The following CDC14B variants were observed in gnomAD, a reference collection of about 807,000 sequenced individuals.
CDC14B encodes the protein dual specificity protein phosphatase CDC14B.
Under a neutral mutation model 64.2 loss-of-function variants are expected in CDC14B, and 22 were observed. That is an observed-to-expected ratio of 0.34 (90% confidence interval 0.24 to 0.49). The LOEUF (loss-of-function observed/expected upper bound fraction) is 0.49. Ranked by LOEUF, CDC14B falls within the 20% of genes least tolerant of loss-of-function variation. The probability of loss-of-function intolerance (pLI) is 0.99; values close to 1 mark genes in which losing one functional copy is unlikely to be tolerated. For missense variants in CDC14B, 498 were observed against 629.9 expected, an observed-to-expected ratio of 0.79 and a Z score of 2.24; for synonymous variants, 191 against 215.8, an observed-to-expected ratio of 0.89 and a Z score of 1.01.
chr9:96,551,624 C>T (rs1254577153), intron 5 of CDC14B, among the ~76,000 whole-genome samples, 172 bp downstream of exon 5: 2 of 152,114 alleles, frequency 1.3e-5, no homozygotes, highest in Non-Finnish European at 2.9e-5. Context: ...ACAAGATAGC[C>T]TCCATGACAA....
intron 7 of CDC14B, among the ~76,000 whole-genome samples, chr9:96,535,086 T>A (rs745404469): frequency 3.9e-5 from 6 of 152,168 alleles, no homozygotes; most frequent in Non-Finnish European, 8.8e-5. Flanking sequence ...GGCAACCAAT[T>A]TAAAAAGTTC....
Position 96,522,549 on chromosome 9 carries a change from A to G in CDC14B, c.1300T>C (p.Leu434=), listed in dbSNP as rs1836899410. The part of the protein sequence containing the change: ...GVTQGDRLRA[L]KSRRQSKTNA... Reference sequence around the variant, plus strand: ...GTTTTGGATTGTCTTCTGCTTTTCAAGGCCCGAAGTCTATCACCTTGTGTC... The same window carrying G: ...GTTTTGGATTGTCTTCTGCTTTTCAGGGCCCGAAGTCTATCACCTTGTGTC... Residue 434 remains leucine, a synonymous_variant, in exon 12 of 14, where the codon TTG becomes CTG. Transcript: ENST00000375241. 1.2e-6 allele frequency: 2 copies of G among 1,613,792 alleles called. No homozygotes were observed. The highest frequency in any genetic ancestry group is 2.7e-5 in the African/African-American group (2 of 75,054).
chr9:96,554,183 AC>A (rs1280333733), intron 4 of CDC14B, among the ~76,000 whole-genome samples: 2 of 152,196 alleles, frequency 1.3e-5, no homozygotes, highest in Non-Finnish European at 2.9e-5. Flanking sequence ...AAACAAAAAA[AC>A]AAAACAAAAC....
chr9:96,505,395 A>G (rs1833983023), intron 13 of CDC14B, among the ~76,000 whole-genome samples: 1 of 152,180 alleles, frequency 6.6e-6, no homozygotes, highest in Non-Finnish European at 1.5e-5. Flanking sequence ...TGAAGTTATC[A>G]TTTTAAAAAA....
chr9:96,600,197 C>A (rs1846341143), intron 1 of CDC14B, among the ~76,000 whole-genome samples: 1 of 151,294 alleles, frequency 6.6e-6, no homozygotes, highest in East Asian at 1.9e-4. Flanking sequence ...AAGTTTGAGA[C>A]CAGCCTGCAC....
intron 3 of CDC14B, among the ~76,000 whole-genome samples, chr9:96,564,330 T>C (rs573935547): frequency 1.6e-4 from 25 of 152,316 alleles, no homozygotes; most frequent in Admixed American, 7.2e-4. Context: ...GATCATGTAG[T>C]ACAGTATCAT....
chr9:96,504,991 T>A (rs1215135483), intron 13 of CDC14B, among the ~76,000 whole-genome samples: 1 of 152,104 alleles, frequency 6.6e-6, no homozygotes, highest in Non-Finnish European at 1.5e-5. Context: ...CTGGCCAACA[T>A]GGTGAAACCT....
intron 4 of CDC14B, among the ~76,000 whole-genome samples, chr9:96,561,116 T>C (rs1004853553): frequency 1.8e-4 from 27 of 152,116 alleles, no homozygotes; most frequent in African/African-American, 6.5e-4. Flanking sequence ...TTTGTATTTT[T>C]AGTAGAAACA....
chr9:96,511,014 A>G (rs1229667157), intron 12 of CDC14B, among the ~76,000 whole-genome samples: 1 of 152,178 alleles, frequency 6.6e-6, no homozygotes, highest in Non-Finnish European at 1.5e-5. Context: ...ATACTGACTT[A>G]ACAAGCTTTC....
intron 1 of CDC14B, among the ~76,000 whole-genome samples, chr9:96,584,946 AC>A (rs1266701871): frequency 2.6e-5 from 4 of 152,154 alleles, no homozygotes; most frequent in Non-Finnish European, 5.9e-5. Flanking sequence ...ATAAGCCACC[AC>A]GCCTGGCCAA....
intron 12 of CDC14B, chr9:96,514,384 G>T: frequency 2.0e-6 from 2 of 977,674 alleles, no homozygotes; most frequent in Non-Finnish European, 2.4e-6. Flanking sequence ...GAGAAGTAAA[G>T]AAGAAAACAC....
At chr9:96,614,430 G>A (rs1003612158) in intron 1 of CDC14B, among the ~76,000 whole-genome samples, 6 of 151,978 alleles carry the variant, frequency 3.9e-5, no homozygotes, top group South Asian at 2.1e-4. Flanking sequence ...CGATCTGCCC[G>A]CCTTGGCCTC....
At chr9:96,577,250 CAA>C (rs750429617) in intron 1 of CDC14B, among the ~76,000 whole-genome samples, 27 of 82,662 alleles carry the variant, frequency 3.3e-4, no homozygotes, top group Non-Finnish European at 3.6e-4. Context: ...GACTCCATCT[CAA>C]AAAAAAAAAA....
At chr9:96,559,597 G>A (rs1842897656) in intron 4 of CDC14B, among the ~76,000 whole-genome samples, 1 of 152,116 alleles carries the variant, frequency 6.6e-6, no homozygotes, top group African/African-American at 2.4e-5. Flanking sequence ...TTTCTACTAT[G>A]AATACATTTC....
chr9:96,537,922 G>A (rs2131803155), intron 7 of CDC14B, among the ~76,000 whole-genome samples: 1 of 152,212 alleles, frequency 6.6e-6, no homozygotes, highest in Middle Eastern at 3.4e-3. Flanking sequence ...GTTTCACCAT[G>A]TTGCCCAGGC....
At chr9:96,582,038 A>G (rs950039549) in intron 1 of CDC14B, among the ~76,000 whole-genome samples, 2 of 152,132 alleles carry the variant, frequency 1.3e-5, no homozygotes, top group Admixed American at 1.3e-4. Flanking sequence ...GGACGGCTCC[A>G]TCAGCTAGCT....
chr9:96,554,140 G>A (rs1489630730), intron 4 of CDC14B, among the ~76,000 whole-genome samples: 1 of 151,870 alleles, frequency 6.6e-6, no homozygotes, highest in Non-Finnish European at 1.5e-5. Context: ...CTCCAGCATG[G>A]GCGACAGACC....
At chr9:96,611,757 A>G (rs776887118) in intron 1 of CDC14B, among the ~76,000 whole-genome samples, 40 of 152,216 alleles carry the variant, frequency 2.6e-4, no homozygotes, top group Non-Finnish European at 5.0e-4. Context: ...AAACAAAAAA[A>G]GACCCTGTCT....
chr9:96,571,208 G>T (rs533046908), intron 1 of CDC14B, among the ~76,000 whole-genome samples: 1 of 148,996 alleles, frequency 6.7e-6, no homozygotes, highest in African/African-American at 2.5e-5. Context: ...ACGGAGTCTC[G>T]CTCTGTTGTC....
Sources: gnomAD v4.1 joint callset for allele counts (sites outside exome capture counted in the v4.1 genomes callset) on GRCh38, gnomAD v4.1.1 for gene constraint, MANE v1.5 for transcripts, NCBI Gene and HGNC (gene_info 2026-07-23, HGNC 2026-07-21) for gene names.